GRIK1: variants seen among roughly 807,000 people sequenced by gnomAD.
GRIK1 encodes glutamate receptor ionotropic, kainate 1.
Under a neutral mutation model 105.7 loss-of-function variants are expected in GRIK1, and 69 were observed. The ratio of observed to expected loss-of-function variants is 0.65; its 90% confidence interval spans 0.54 to 0.80. The LOEUF (loss-of-function observed/expected upper bound fraction) is 0.80, where lower values mean the gene tolerates loss of function less well. GRIK1 is among the 30% of genes least tolerant of loss of function. The pLI is 0.00. For missense variants in GRIK1, 1,109 were observed against 1,167.3 expected, an observed-to-expected ratio of 0.95 and a Z score of 0.73; for synonymous variants, 438 against 431.3, an observed-to-expected ratio of 1.02 and a Z score of -0.19.
At chr21:29,697,459 T>C (rs953367542) in intron 1 of GRIK1, among the ~76,000 whole-genome samples, 1 of 152,194 alleles carries the variant, frequency 6.6e-6, no homozygotes, top group African/African-American at 2.4e-5. Flanking sequence ...TGAACTGTTT[T>C]GTCACTTTCA....
intron 1 of GRIK1, among the ~76,000 whole-genome samples, chr21:29,882,872 GCT>G (rs1289457241): frequency 2.0e-5 from 3 of 152,012 alleles, no homozygotes; most frequent in Non-Finnish European, 4.4e-5. Flanking sequence ...TCTATACAGA[GCT>G]CTCTTTTCCT....
In GRIK1 at chr21:29,752,886, A is replaced by G. The variant is rs190962240; in HGVS notation, c.119-58823T>C. Among the ~76,000 whole-genome samples the G allele has an allele frequency of 9.8e-4, 149 of 152,340 alleles. 1 individual carries two copies. The highest frequency in any genetic ancestry group is 5.6e-4 in the Non-Finnish European group (38 of 68,024). ...AGTAGTGCATCTGTTATTGAACAGTACCAGGAAAGGAGATTTCTTAAATGA... is the reference window on the plus strand; with the variant it reads ...AGTAGTGCATCTGTTATTGAACAGTGCCAGGAAAGGAGATTTCTTAAATGA... On this transcript the variant is annotated intron_variant, in intron 1 of 17. Transcript: ENST00000327783.
intron 1 of GRIK1, among the ~76,000 whole-genome samples, chr21:29,728,274 G>T (rs2146886533): frequency 6.6e-6 from 1 of 152,256 alleles, no homozygotes; most frequent in Non-Finnish European, 1.5e-5. Flanking sequence ...GGTGGTGATT[G>T]GCTACTCATG....
chr21:29,812,128 T>C (rs983402169), intron 1 of GRIK1, among the ~76,000 whole-genome samples: 27 of 152,158 alleles, frequency 1.8e-4, no homozygotes, highest in Non-Finnish European at 1.0e-4. Flanking sequence ...GTGTGTATAA[T>C]TTCAATTAAT....
At chr21:29,672,590 A>C (rs995094030) in intron 4 of GRIK1, among the ~76,000 whole-genome samples, 4 of 152,182 alleles carry the variant, frequency 2.6e-5, no homozygotes, top group Admixed American at 6.6e-5. Context: ...AGGTCTTGCC[A>C]TGAGGAAGAT....
intron 1 of GRIK1, among the ~76,000 whole-genome samples, chr21:29,768,620 T>C (rs1471266298): frequency 2.6e-5 from 4 of 152,184 alleles, no homozygotes; most frequent in Non-Finnish European, 5.9e-5. Flanking sequence ...CCTCCGCCTC[T>C]GGGTTGCATG....
intron 4 of GRIK1, among the ~76,000 whole-genome samples, chr21:29,656,405 G>GACT (rs1362513369): frequency 9.7e-6 from 1 of 103,218 alleles, no homozygotes; most frequent in Non-Finnish European, 2.0e-5. Flanking sequence ...GAAGAGAGAA[G>GACT]ACTTAGAAAT....
At chr21:29,707,119 C>T (rs761773869) in intron 1 of GRIK1, among the ~76,000 whole-genome samples, 11 of 152,238 alleles carry the variant, frequency 7.2e-5, no homozygotes, top group Non-Finnish European at 1.3e-4. Context: ...CCTCCTCGGC[C>T]TCCCGAAGTG....
intron 1 of GRIK1, among the ~76,000 whole-genome samples, chr21:29,833,756 C>T (rs1452867246): frequency 6.6e-6 from 1 of 152,036 alleles, no homozygotes; most frequent in African/African-American, 2.4e-5. Context: ...CACCCCCTAC[C>T]CATACACACA....
At chr21:29,753,533 C>A (rs1356743175) in intron 1 of GRIK1, among the ~76,000 whole-genome samples, 1 of 152,194 alleles carries the variant, frequency 6.6e-6, no homozygotes, top group East Asian at 1.9e-4. Flanking sequence ...CTTCATATTA[C>A]TGTTAGCTAC....
chr21:29,607,384 C>T (rs2061645097), intron 7 of GRIK1, among the ~76,000 whole-genome samples: 1 of 150,780 alleles, frequency 6.6e-6, no homozygotes, highest in Non-Finnish European at 1.5e-5. Flanking sequence ...TCAATAGCTG[C>T]CTATCTCTGG....
At chr21:29,921,505 CAA>C (rs570207364) in intron 1 of GRIK1, among the ~76,000 whole-genome samples, 294 of 152,060 alleles carry the variant, frequency 1.9e-3, no homozygotes, top group African/African-American at 6.7e-3. Context: ...AATAAACAAA[CAA>C]AAAAATACAC....
At chr21:29,910,332 A>T (rs946387941) in intron 1 of GRIK1, among the ~76,000 whole-genome samples, 7 of 152,122 alleles carry the variant, frequency 4.6e-5, no homozygotes, top group Admixed American at 2.6e-4. Context: ...ACACGTGGGG[A>T]TCCTTCCTAT....
intron 4 of GRIK1, among the ~76,000 whole-genome samples, chr21:29,672,377 T>C (rs1168971802): frequency 6.6e-6 from 1 of 152,064 alleles, no homozygotes; most frequent in Admixed American, 6.5e-5. Flanking sequence ...TCTGTTGTTA[T>C]TATTCTTTTT....
intron 1 of GRIK1, among the ~76,000 whole-genome samples, chr21:29,705,141 T>C (rs2063880400): frequency 6.6e-6 from 1 of 152,238 alleles, no homozygotes; most frequent in Non-Finnish European, 1.5e-5. Context: ...GTATTTCTGT[T>C]GTTTCTCAAC....
chr21:29,658,897 T>C (rs991230072), intron 4 of GRIK1, among the ~76,000 whole-genome samples: 2 of 152,226 alleles, frequency 1.3e-5, no homozygotes, highest in African/African-American at 4.8e-5. Context: ...ATCACTAGCA[T>C]TGTTATCAGT....
intron 7 of GRIK1, among the ~76,000 whole-genome samples, chr21:29,629,152 A>C (rs529198077): frequency 6.6e-6 from 1 of 152,028 alleles, no homozygotes; most frequent in African/African-American, 2.4e-5. Context: ...GCAATGGTGA[A>C]GATATACACA....
At chr21:29,920,948 T>C (rs2146324572) in intron 1 of GRIK1, among the ~76,000 whole-genome samples, 1 of 152,274 alleles carries the variant, frequency 6.6e-6, no homozygotes, top group South Asian at 2.1e-4. Flanking sequence ...TTATTTATTT[T>C]CTTCTGGAGC....
chr21:29,567,940 C>T (rs960004420), intron 14 of GRIK1, among the ~76,000 whole-genome samples: 1 of 152,310 alleles, frequency 6.6e-6, no homozygotes, highest in African/African-American at 2.4e-5. Flanking sequence ...AATATGAACA[C>T]TGCAGTTGAT....
Sources: allele counts gnomAD v4.1 joint callset (sites outside exome capture counted in the v4.1 genomes callset), GRCh38; gene constraint gnomAD v4.1.1; transcripts MANE v1.5; gene names NCBI Gene and HGNC (gene_info 2026-07-23, HGNC 2026-07-21).